The following CORO2B variants were observed in gnomAD, a reference collection of about 807,000 sequenced individuals.
The protein encoded by CORO2B is coronin-2B.
CORO2B carries 26 observed loss-of-function variants against 58.8 expected under a neutral mutation model. That is an observed-to-expected ratio of 0.44 (90% CI 0.32 to 0.61). The LOEUF (loss-of-function observed/expected upper bound fraction) is 0.61, where lower values mean the gene tolerates loss of function less well. Ranked by LOEUF, CORO2B falls within the 20% of genes least tolerant of loss-of-function variation. The probability of loss-of-function intolerance (pLI) is 0.04; values close to 1 mark genes in which losing one functional copy is unlikely to be tolerated. For missense variants in CORO2B, 460 were observed against 645.1 expected (o/e 0.71, Z 3.11); for synonymous variants, 242 against 253.8 (o/e 0.95, Z 0.44).
chr15:68,639,538 G>A (rs1373563871), intron 1 of CORO2B, among the ~76,000 whole-genome samples: 2 of 152,158 alleles, frequency 1.3e-5, no homozygotes. Flanking sequence ...GAACCAAGGT[G>A]GTAGACCCCA....
intron 1 of CORO2B, among the ~76,000 whole-genome samples, chr15:68,628,747 A>G (rs1293463843): frequency 6.6e-6 from 1 of 152,236 alleles, no homozygotes; most frequent in Non-Finnish European, 1.5e-5. Flanking sequence ...CAATAGAGAA[A>G]GGCCTTTTCC....
At chr15:68,533,506 A>G in the CORO2B span, among the ~76,000 whole-genome samples, 1 of 152,214 alleles carries the variant, frequency 6.6e-6, no homozygotes, top group Admixed American at 6.5e-5. Context: ...AGACTCACCA[A>G]TGTTGTTGAC....
chr15:68,521,055 A>G, the CORO2B span, among the ~76,000 whole-genome samples: 5 of 152,150 alleles, frequency 3.3e-5, no homozygotes, highest in Non-Finnish European at 7.3e-5. Flanking sequence ...TCTCAAAAAA[A>G]AAAAAGTTTT....
intron 1 of CORO2B, among the ~76,000 whole-genome samples, chr15:68,594,269 AG>A (rs1331688845): frequency 1.3e-5 from 2 of 152,186 alleles, no homozygotes; most frequent in African/African-American, 4.8e-5. Flanking sequence ...TGTCCCCTGC[AG>A]TATGGTCCAG....
At chr15:68,630,461 T>C (rs1031240157) in intron 1 of CORO2B, among the ~76,000 whole-genome samples, 6 of 151,770 alleles carry the variant, frequency 4.0e-5, no homozygotes, top group African/African-American at 1.5e-4. Flanking sequence ...CCTGCTAGGC[T>C]TGGGTGGGGC....
intron 1 of CORO2B, among the ~76,000 whole-genome samples, chr15:68,610,978 T>C (rs937338752): frequency 1.3e-5 from 2 of 152,146 alleles, no homozygotes; most frequent in Non-Finnish European, 2.9e-5. Flanking sequence ...AAAGAAGTAC[T>C]CTGTACAAAG....
At chr15:68,724,621 T>C (rs10083637) in intron 11 of CORO2B, among the ~76,000 whole-genome samples, 127,410 of 152,178 alleles carry the variant, frequency 0.84, 56,005 homozygotes, top group South Asian at 0.96. Context: ...TTTAGCATCA[T>C]CTTTATCAAG....
chr15:68,629,822 G>A (rs1397090380), intron 1 of CORO2B, among the ~76,000 whole-genome samples: 1 of 151,406 alleles, frequency 6.6e-6, no homozygotes, highest in Admixed American at 6.6e-5. Context: ...TAACCAGCAT[G>A]TGTGTGTGTG....
At chr15:68,703,147 T>C (rs796117056) in intron 3 of CORO2B, among the ~76,000 whole-genome samples, 7 of 105,630 alleles carry the variant, frequency 6.6e-5, no homozygotes, top group African/African-American at 2.2e-4. Context: ...TCTTTCTTTT[T>C]TTCTTTTTTT....
chr15:68,722,531 G>A (rs1893185543), intron 11 of CORO2B, among the ~76,000 whole-genome samples: 2 of 152,182 alleles, frequency 1.3e-5, no homozygotes, highest in African/African-American at 2.4e-5. Flanking sequence ...TGAATTGTAA[G>A]CTTAAAATGA....
At chr15:68,523,769 T>G in the CORO2B span, among the ~76,000 whole-genome samples, 1 of 152,154 alleles carries the variant, frequency 6.6e-6, no homozygotes, top group African/African-American at 2.4e-5. Flanking sequence ...TCTTTGTGGG[T>G]AAACCCTACC....
intron 1 of CORO2B, among the ~76,000 whole-genome samples, chr15:68,627,523 G>T (rs1242456463): frequency 6.6e-6 from 1 of 152,126 alleles, no homozygotes; most frequent in African/African-American, 2.4e-5. Context: ...CTTGGGGTTG[G>T]GGAGGTGGAG....
At chr15:68,597,345 T>C (rs1375362049) in intron 1 of CORO2B, among the ~76,000 whole-genome samples, 1 of 152,188 alleles carries the variant, frequency 6.6e-6, no homozygotes, top group Non-Finnish European at 1.5e-5. Flanking sequence ...GCGCTTACCA[T>C]GTTCCAGGGG....
At chr15:68,597,954 G>A (rs768046937) in intron 1 of CORO2B, among the ~76,000 whole-genome samples, 4 of 152,212 alleles carry the variant, frequency 2.6e-5, no homozygotes, top group Non-Finnish European at 5.9e-5. Flanking sequence ...GGAAGTTGAT[G>A]AGTCTGTGGG....
At chr15:68,594,009 G>A (rs1400854719) in intron 1 of CORO2B, among the ~76,000 whole-genome samples, 1 of 152,176 alleles carries the variant, frequency 6.6e-6, no homozygotes, top group Non-Finnish European at 1.5e-5. Context: ...GATGTGGTTG[G>A]GTGGCACAGG....
rs941051501 is a variant in CORO2B at position 68,579,155 on chromosome 15, C to T, written c.-108C>T. ...GCTCGGCCGAGCCGCCGGCGGGGCG[C>T]GGGGAGCGAGCCGGGAGCTGCCGGA... is the stretch of plus-strand genomic sequence containing the variant. On this transcript the variant is annotated 5_prime_UTR_variant, in exon 1 of 12. Coordinates refer to ENST00000261861, the MANE Select transcript of CORO2B (RefSeq NM_006091.5). 7.5e-5 allele frequency: 74 copies of T among 981,112 alleles called. 1 individual carries two copies. The South Asian group carries it at 1.3e-3, about 17-fold the overall frequency. The allele number at this position is 981,112 out of a possible 1,614,324, so 60.8% of individuals were successfully genotyped here. A position where few individuals can be genotyped will look rare whatever the true frequency, so the allele number is the denominator to read the frequency against.
chr15:68,703,289 T>C (rs1356739997), intron 3 of CORO2B, among the ~76,000 whole-genome samples: 1 of 151,532 alleles, frequency 6.6e-6, no homozygotes, highest in African/African-American at 2.4e-5. Flanking sequence ...TAGCTGGGAT[T>C]ACAGGCACGC....
chr15:68,671,261 TG>T (rs1190553149), intron 2 of CORO2B, among the ~76,000 whole-genome samples: 3 of 152,154 alleles, frequency 2.0e-5, no homozygotes, highest in Middle Eastern at 3.2e-3. Context: ...TTTCTGTTGT[TG>T]TTTTTTTTTC....
At chr15:68,723,116 CTT>C (rs767517372) in intron 11 of CORO2B, among the ~76,000 whole-genome samples, 777 of 91,458 alleles carry the variant, frequency 8.5e-3, no homozygotes, top group Non-Finnish European at 0.011. Flanking sequence ...TACATACATT[CTT>C]TTTTTTTTTT....
Sources: allele counts gnomAD v4.1 joint callset (sites outside exome capture counted in the v4.1 genomes callset), GRCh38; gene constraint gnomAD v4.1.1; transcripts MANE v1.5; gene names NCBI Gene and HGNC (gene_info 2026-07-23, HGNC 2026-07-21).